The following AGBL2 variants were observed in gnomAD, a reference collection of about 807,000 sequenced individuals.
The protein encoded by AGBL2 is AGBL carboxypeptidase 2, also known as cytosolic carboxypeptidase 2.
Under a neutral mutation model 103.0 loss-of-function variants are expected in AGBL2, and 87 were observed. The ratio of observed to expected loss-of-function variants is 0.84; its 90% CI spans 0.71 to 1.01. The LOEUF (loss-of-function observed/expected upper bound fraction) is 1.01, where lower values mean the gene tolerates loss of function less well. Ranked by LOEUF, AGBL2 falls within the 50% of genes least tolerant of loss-of-function variation. The pLI, the probability that AGBL2 is intolerant of heterozygous loss-of-function variation, is 0.00. For synonymous variants in AGBL2, 335 were observed against 356.7 expected (o/e 0.94, Z 0.69); for missense variants, 904 against 1,023.5 (o/e 0.88, Z 1.59).
chr11:47,687,953 G>A (rs558365505), intron 10 of AGBL2, among the ~76,000 whole-genome samples: 290 of 151,514 alleles, frequency 1.9e-3, no homozygotes, highest in Middle Eastern at 0.014. Context: ...GATTACAGGC[G>A]TGCACCACCA....
intron 13 of AGBL2, 145 bp downstream of exon 13, chr11:47,679,828 G>C (rs1456572964): frequency 4.2e-6 from 2 of 478,736 alleles, no homozygotes; most frequent in East Asian, 3.7e-5. Context: ...TTTTAGTAGA[G>C]AGAGGGTTTT....
chr11:47,712,715 C>T (rs749971610), intron 3 of AGBL2, among the ~76,000 whole-genome samples: 5 of 151,862 alleles, frequency 3.3e-5, no homozygotes, highest in Non-Finnish European at 5.9e-5. Flanking sequence ...AACAGCCTGG[C>T]CAACATGAGG....
chr11:47,667,007 T>C lies in AGBL2; in HGVS notation c.2397A>G (p.Ser799=), dbSNP rs2097342966. The change falls in exon 17 of 19, where the codon TCA becomes TCG. Residue 799 remains serine (S), a synonymous_variant. Transcript: ENST00000525123. ...TCATTGGTAAAAAACTGGAATTCTCTGAGTTTTTGAAAAAGGTTGGCTGCT... is the reference window on the plus strand; with the variant it reads ...TCATTGGTAAAAAACTGGAATTCTCCGAGTTTTTGAAAAAGGTTGGCTGCT... ...LQKQPTFFKN[S]ENSSFLPMKN... The C allele has an allele frequency of 6.2e-7, 1 of 1,613,458 alleles. No individual in the cohort carries two copies. The highest frequency in any genetic ancestry group is 8.5e-7 in the Non-Finnish European group (1 of 1,179,832).
At chr11:47,690,920 G>A (rs2097442725) in intron 9 of AGBL2, 62 bp from the exon 10 acceptor site, 1 of 1,361,624 alleles carries the variant, frequency 7.3e-7, no homozygotes, top group Middle Eastern at 1.9e-4. Context: ...AACAAATTGG[G>A]AAAATGTTGT....
Position 47,677,302 on chromosome 11 carries a change from T to C in AGBL2, c.2116A>G (p.Ser706Gly). ...GQDVDLEGSW[S>G]DISLSDIESS... The stretch of plus-strand genomic sequence containing the variant: ...TCAATGTCAGACAAAGAGATGTCAC[T>C]CCAACTTCCTTCTAAATCTACATCT... Residue 706 changes from serine to glycine, a missense_variant, in exon 14 of 19, where the codon AGT becomes GGT. By Grantham distance (56) the Ser-to-Gly change is moderately conservative. Coordinates refer to ENST00000525123, the MANE Select transcript of AGBL2 (RefSeq NM_024783.4). The C allele has an allele frequency of 1.2e-6, 2 of 1,603,362 alleles. No individual in the cohort carries two copies. Among genetic ancestry groups the C allele is most frequent in the South Asian group, 1.1e-5 (1 of 87,646 alleles).
intron 3 of AGBL2, 61 bp downstream of exon 3, chr11:47,714,223 A>G: frequency 1.5e-6 from 2 of 1,331,648 alleles, no homozygotes; most frequent in Non-Finnish European, 2.2e-6. Context: ...CCTCCCAGCT[A>G]ACGAAGCAAT....
At chr11:47,669,698 AT>A (rs1004497501) in intron 14 of AGBL2, among the ~76,000 whole-genome samples, 41 of 150,936 alleles carry the variant, frequency 2.7e-4, no homozygotes, top group Non-Finnish European at 4.7e-4. Flanking sequence ...AAAAAGAAAA[AT>A]TTTTTTTTGA....
intron 11 of AGBL2, among the ~76,000 whole-genome samples, chr11:47,683,443 A>G (rs912921751): frequency 1.1e-4 from 16 of 152,054 alleles, no homozygotes; most frequent in African/African-American, 3.6e-4. Context: ...GTAACAATAC[A>G]AAATATTTTT....
In AGBL2 at chr11:47,690,394, G is replaced by T. The variant is rs367913675; in HGVS notation, c.1313C>A (p.Thr438Asn). ...AGGGGTCTGGGATGGGTTGGTGATGGTGAGCAAGTAAACGGTATTTCCTGC... is the reference window on the plus strand; with the variant it reads ...AGGGGTCTGGGATGGGTTGGTGATGTTGAGCAAGTAAACGGTATTTCCTGC... ...SLAGNTVYLLTITNPSQTPQE... is the reference protein window; with the variant it reads ...SLAGNTVYLLNITNPSQTPQE... The change falls in exon 10 of 19, where the codon ACC becomes AAC. Residue 438 changes from threonine (T) to asparagine (N), a missense_variant. By Grantham distance (65) the Thr-to-Asn change is moderately conservative. Coordinates refer to ENST00000525123, the MANE Select transcript of AGBL2 (RefSeq NM_024783.4). The T allele has an allele frequency of 2.8e-5, 46 of 1,614,168 alleles. 1 individual carries two copies. The Middle Eastern group carries it at 8.2e-4, about 29-fold the overall frequency.
chr11:47,689,048 T>C (rs767951881), intron 10 of AGBL2, among the ~76,000 whole-genome samples: 54 of 152,132 alleles, frequency 3.5e-4, no homozygotes, highest in Non-Finnish European at 6.6e-4. Flanking sequence ...CATATTCTTA[T>C]ATGCTGTATT....
intron 18 of AGBL2, among the ~76,000 whole-genome samples, chr11:47,662,328 T>C (rs1422458063): frequency 6.9e-6 from 1 of 144,094 alleles, no homozygotes; most frequent in East Asian, 2.2e-4. Context: ...CATGCACCAC[T>C]ACACCCAGCT....
At chr11:47,685,419 C>T (rs961682865) in intron 11 of AGBL2, among the ~76,000 whole-genome samples, 1 of 151,174 alleles carries the variant, frequency 6.6e-6, no homozygotes, top group African/African-American at 2.4e-5. Context: ...TGGCAGGACA[C>T]AGCAATTCTT....
intron 14 of AGBL2, among the ~76,000 whole-genome samples, chr11:47,671,734 T>C (rs1242194871): frequency 6.6e-6 from 1 of 152,158 alleles, no homozygotes; most frequent in African/African-American, 2.4e-5. Context: ...TAATTCCCAA[T>C]TCCCTGTTCT....
At chr11:47,691,729 A>AAAAAAAAAATTATATATAT in intron 9 of AGBL2, among the ~76,000 whole-genome samples, 1 of 4,850 alleles carries the variant, frequency 2.1e-4, no homozygotes, top group Non-Finnish European at 3.6e-4. Context: ...AAAAAAAAAA[A>AAAAAAAAAATTATATATAT]ATATATATAT....
rs775850707 is a variant in AGBL2 at position 47,667,026 on chromosome 11, G to A, written c.2378C>T (p.Pro793Leu). 3.7e-6 allele frequency: 6 copies of A among 1,613,128 alleles called. No individual in the cohort carries two copies. ...ATTCTCTGAGTTTTTGAAAAAGGTT[G>A]GCTGCTTTTGCAGAGTAGAAGCAAA... ...AGFASTLQKQPTFFKNSENSS... is the reference protein window; with the variant it reads ...AGFASTLQKQLTFFKNSENSS... The change falls in exon 17 of 19, where the codon CCA becomes CTA. Residue 793 changes from proline (P) to leucine (L), a missense_variant. By Grantham distance (98) the Pro-to-Leu change is moderately conservative. Transcript: ENST00000525123.
At chr11:47,682,119 G>A (rs1474675811) in intron 11 of AGBL2, 24 bp from the exon 12 acceptor site, 7 of 1,604,570 alleles carry the variant, frequency 4.4e-6, no homozygotes, top group Non-Finnish European at 6.0e-6. Context: ...CAAATTTTCT[G>A]TTAATCATAA....
intron 4 of AGBL2, among the ~76,000 whole-genome samples, chr11:47,710,031 AGT>A (rs1193089209): frequency 2.0e-5 from 3 of 151,496 alleles, no homozygotes; most frequent in African/African-American, 7.3e-5. Flanking sequence ...TGAGATTACC[AGT>A]GTGTGTCACC....
At chr11:47,696,059 G>A (rs1287652100) in intron 8 of AGBL2, among the ~76,000 whole-genome samples, 1 of 142,760 alleles carries the variant, frequency 7.0e-6, no homozygotes, top group Non-Finnish European at 1.5e-5. Flanking sequence ...TTAGCTGGGC[G>A]TGGTGGCGCA....
At position 47,690,642 on chromosome 11, in the gene AGBL2, T is replaced by C. The variant is rs753698245; in HGVS notation, c.1065A>G (p.Arg355=). The C allele has an allele frequency of 6.2e-7, 1 of 1,614,128 alleles. No individual in the cohort carries two copies. The highest frequency in any genetic ancestry group is 1.1e-5 in the South Asian group (1 of 91,076). The part of the protein sequence containing the change: ...DANTRNIGWR[R]EGNEIKYYKN... ...TGTAGTACTTGATTTCATTTCCTTCTCTCCTCCAGCCAATATTGCGGGTGT... is the reference window on the plus strand; with the variant it reads ...TGTAGTACTTGATTTCATTTCCTTCCCTCCTCCAGCCAATATTGCGGGTGT... The change falls in exon 10 of 19, where the codon AGA becomes AGG. Residue 355 remains arginine, a synonymous_variant. Transcript: ENST00000525123.
Sources: gnomAD v4.1 joint callset for allele counts (sites outside exome capture counted in the v4.1 genomes callset) on GRCh38, gnomAD v4.1.1 for gene constraint, MANE v1.5 for transcripts, NCBI Gene and HGNC (gene_info 2026-07-23, HGNC 2026-07-21) for gene names.